Variants in ZNF124 observed in about 807,000 individuals in gnomAD.
The protein encoded by ZNF124 is zinc finger protein HZF-16.
A neutral mutation model predicts 26.6 loss-of-function variants in ZNF124; 25 were observed. That is an observed-to-expected ratio of 0.94 (90% CI 0.68 to 1.31). The LOEUF (loss-of-function observed/expected upper bound fraction) is 1.31, where lower values mean the gene tolerates loss of function less well. ZNF124 is among the 40% of genes most tolerant of loss of function. ZNF124 has a pLI of 0.00. For missense variants in ZNF124, 444 were observed against 422.2 expected (o/e 1.05, Z -0.45); for synonymous variants, 129 against 133.3 (o/e 0.97, Z 0.22).
chr1:247,128,555 G>A (rs367658964), intron 3 of ZNF124, among the ~76,000 whole-genome samples: 18,207 of 142,164 alleles, frequency 0.13, 5 homozygotes, highest in South Asian at 0.24. Flanking sequence ...CCCTGGGACC[G>A]AGAGGAGTCT....
downstream of ZNF124, among the ~76,000 whole-genome samples, chr1:247,152,107 TA>T (rs1672964411): frequency 6.7e-6 from 1 of 149,566 alleles, no homozygotes; most frequent in Non-Finnish European, 1.5e-5. Flanking sequence ...CCCCAATATT[TA>T]AAACTATATG....
chr1:247,134,805 TCAGTGCCACATGGCA>T (rs1292827649), intron 3 of ZNF124, among the ~76,000 whole-genome samples: 1 of 152,264 alleles, frequency 6.6e-6, no homozygotes, highest in Non-Finnish European at 1.5e-5. Context: ...TACATTCTTC[TCAGTGCCACATGGCA>T]CTTATTCTCA....
intron 3 of ZNF124, among the ~76,000 whole-genome samples, chr1:247,148,335 T>C (rs1423435208): frequency 2.0e-5 from 3 of 152,210 alleles, no homozygotes; most frequent in South Asian, 2.1e-4. Flanking sequence ...CTTTCTACTT[T>C]CCTCTTATAC....
At chr1:247,147,856 G>A (rs959038078) in intron 3 of ZNF124, among the ~76,000 whole-genome samples, 1 of 149,274 alleles carries the variant, frequency 6.7e-6, no homozygotes, top group Non-Finnish European at 1.5e-5. Context: ...AGAAACACAA[G>A]AAGACATTGA....
At chr1:247,166,056 A>G (rs1422508652) in intron 1 of ZNF124, among the ~76,000 whole-genome samples, 1 of 152,182 alleles carries the variant, frequency 6.6e-6, no homozygotes. Context: ...GCACATGCCC[A>G]TAGTCCCAGC....
intron 3 of ZNF124, among the ~76,000 whole-genome samples, chr1:247,130,477 A>G (rs892985362): frequency 6.6e-6 from 1 of 152,212 alleles, no homozygotes; most frequent in Non-Finnish European, 1.5e-5. Context: ...CTTTGTGCCG[A>G]GCGGAGATTC....
chr1:247,156,803 G>A lies in ZNF124; in HGVS notation c.819C>T (p.Tyr273=), dbSNP rs33998996. The part of the protein sequence containing the change: ...PCKQCGKAFR[Y]ASSLQKHEKT... ...TCTCGTGTTTCTGAAGGGAACTGGC[G>A]TATCTGAAGGCTTTCCCACATTGCT... Residue 273 remains tyrosine, a synonymous_variant, in exon 4 of 4, where the codon TAC becomes TAT. Transcript: ENST00000543802. 135 of 1,613,994 alleles carry A rather than the reference G, an allele frequency of 8.4e-5. No homozygotes were observed. The highest frequency in any genetic ancestry group is 2.0e-4 in the Admixed American group (12 of 60,002).
Position 247,156,261 on chromosome 1 carries a change from G to A in ZNF124, c.*305C>T, listed in dbSNP as rs1673125108. On this transcript the variant is annotated 3_prime_UTR_variant, in exon 4 of 4. Transcript: ENST00000543802. ...TTCTCACATTCGATACCTTCATAAAGTTTTTCTCTAGAATGAGTTATGTTA... is the reference window on the plus strand; with the variant it reads ...TTCTCACATTCGATACCTTCATAAAATTTTTCTCTAGAATGAGTTATGTTA... 1 of 1,069,978 alleles carries A rather than the reference G, an allele frequency of 9.3e-7. No individual in the cohort carries two copies. Among genetic ancestry groups the A allele is most frequent in the Non-Finnish European group, 1.1e-6 (1 of 886,684 alleles). The allele number at this position is 1,069,978 out of a possible 1,614,324, so 66.3% of individuals were successfully genotyped here.
At chr1:247,126,117 A>G (rs1672215691) in intron 3 of ZNF124, among the ~76,000 whole-genome samples, 1 of 152,108 alleles carries the variant, frequency 6.6e-6, no homozygotes, top group Middle Eastern at 3.2e-3. Context: ...AAAAATTATT[A>G]TTATATTGTA....
rs1673902522 is a variant in ZNF124, at chr1:247,168,420, C to T, written c.30+3428G>A. Among the ~76,000 whole-genome samples, 1 of 152,194 alleles carries T rather than the reference C, an allele frequency of 6.6e-6. No homozygotes were observed. Among genetic ancestry groups the T allele is most frequent in the Non-Finnish European group, 1.5e-5 (1 of 68,040 alleles). On this transcript the variant is annotated intron_variant, in intron 1 of 3. Coordinates refer to ENST00000543802, the MANE Select transcript of ZNF124 (RefSeq NM_001297568.2). This position sits in a 1 kb window ranked among gnomAD's most constrained non-coding sequence, Gnocchi z 4.0. The stretch of plus-strand genomic sequence containing the variant: ...TGATGGTGCATGCCTGTAGTCCCAG[C>T]TACTTGGGAGGCTAAGGCATGAGAA...
At chr1:247,131,731 G>T in intron 3 of ZNF124, among the ~76,000 whole-genome samples, 1 of 152,128 alleles carries the variant, frequency 6.6e-6, no homozygotes, top group South Asian at 2.1e-4. Flanking sequence ...TTCCCTGGAG[G>T]GTCTCCAATA....
chr1:247,131,161 C>T (rs1324272245), intron 3 of ZNF124, among the ~76,000 whole-genome samples: 1 of 152,104 alleles, frequency 6.6e-6, no homozygotes. Flanking sequence ...ATGGTGTGAC[C>T]CATGGAGAGA....
At chr1:247,170,182 G>T (rs1410194702) in intron 1 of ZNF124, among the ~76,000 whole-genome samples, 5 of 138,530 alleles carry the variant, frequency 3.6e-5, no homozygotes, top group African/African-American at 1.1e-4. Flanking sequence ...GAGGTACAAA[G>T]AATTTTTTAT....
chr1:247,154,150 C>T (rs999282888), downstream of ZNF124, among the ~76,000 whole-genome samples: 7 of 152,108 alleles, frequency 4.6e-5, no homozygotes, highest in Admixed American at 2.0e-4. Context: ...AAGTTGGCTC[C>T]GTGTCCCCAC....
chr1:247,132,651 A>G (rs1490763639), intron 3 of ZNF124, among the ~76,000 whole-genome samples: 1 of 152,244 alleles, frequency 6.6e-6, no homozygotes, highest in Non-Finnish European at 1.5e-5. Context: ...ATCCACAGGC[A>G]GACAGCCCGG....
At chr1:247,151,193 T>C (rs528028797), downstream of ZNF124, among the ~76,000 whole-genome samples, 16 of 152,146 alleles carry the variant, frequency 1.1e-4, no homozygotes, top group Non-Finnish European at 1.9e-4. Flanking sequence ...AAATACCATG[T>C]GTTGGGCTGG....
chr1:247,148,988 A>AT (rs1387616534), intron 3 of ZNF124, among the ~76,000 whole-genome samples: 1 of 152,080 alleles, frequency 6.6e-6, no homozygotes, highest in Non-Finnish European at 1.5e-5. Context: ...GAAAAAAAAA[A>AT]CAAATCCCAG....
At chr1:247,135,444 G>A (rs1672459619) in intron 3 of ZNF124, among the ~76,000 whole-genome samples, 1 of 152,008 alleles carries the variant, frequency 6.6e-6, no homozygotes, top group Non-Finnish European at 1.5e-5. Context: ...AGAAGAAATG[G>A]ATAAATTCTT....
rs941854551 is a variant in ZNF124 at position 247,155,194 on chromosome 1, A to G, written c.*1372T>C. On this transcript the variant is annotated 3_prime_UTR_variant, in exon 4 of 4. Coordinates refer to ENST00000543802, the MANE Select transcript of ZNF124 (RefSeq NM_001297568.2). ...TGAAAATAATAATTCACGTGAGAATATACTCTATAATAAACTTTACATACT... is the reference window on the plus strand; with the variant it reads ...TGAAAATAATAATTCACGTGAGAATGTACTCTATAATAAACTTTACATACT... Among the ~76,000 whole-genome samples, 3 of 152,208 alleles carry G rather than the reference A, an allele frequency of 2.0e-5. No individual in the cohort carries two copies. Among genetic ancestry groups the G allele is most frequent in the African/African-American group, 7.2e-5 (3 of 41,466 alleles).
Sources: allele counts gnomAD v4.1 joint callset (sites outside exome capture counted in the v4.1 genomes callset), GRCh38; gene constraint gnomAD v4.1.1; non-coding constraint Gnocchi (gnomAD v3.1); transcripts MANE v1.5; gene names NCBI Gene and HGNC (gene_info 2026-07-23, HGNC 2026-07-21).